The following RCAN3 variants were observed in gnomAD, a reference collection of about 807,000 sequenced individuals.
The protein encoded by RCAN3 is calcipressin-3.
RCAN3 carries 19 observed loss-of-function variants against 21.9 expected under a neutral mutation model. The ratio of observed to expected loss-of-function variants is 0.87; its 90% confidence interval spans 0.61 to 1.27. The LOEUF (loss-of-function observed/expected upper bound fraction) is 1.27. Ranked by LOEUF, RCAN3 falls within the 50% of genes most tolerant of loss-of-function variation. The pLI, the probability that RCAN3 is intolerant of heterozygous loss-of-function variation, is 0.00. For missense variants in RCAN3, 240 were observed against 300.1 expected (o/e 0.80, Z 1.48); for synonymous variants, 114 against 112.3 (o/e 1.01, Z -0.09).
intron 2 of RCAN3, among the ~76,000 whole-genome samples, chr1:24,516,159 A>T (rs1648301795): frequency 6.6e-6 from 1 of 151,894 alleles, no homozygotes; most frequent in Admixed American, 6.6e-5. Flanking sequence ...AAAAAAAGAA[A>T]GAAAGAAACA....
rs551167825 is a variant in RCAN3 at position 24,526,424 on chromosome 1, C to T, written c.196-4794C>T. 3.1e-4 allele frequency among the ~76,000 whole-genome samples: 47 copies of T among 151,424 alleles called. 1 individual carries two copies. In the South Asian group the frequency reaches 6.3e-3, roughly 20 times the overall value. On this transcript the variant is annotated intron_variant, in intron 2 of 4. Coordinates refer to ENST00000374395, the MANE Select transcript of RCAN3 (RefSeq NM_013441.4). The stretch of plus-strand genomic sequence containing the variant: ...GATTTTGGAAGAGAGAGAGAGAGAG[C>T]GCCGTATAACCCATTGCTGTCATCT...
chr1:24,510,395 G>T (rs188703476), intron 1 of RCAN3, among the ~76,000 whole-genome samples: 1 of 152,332 alleles, frequency 6.6e-6, no homozygotes, highest in East Asian at 1.9e-4. Context: ...AATGACCTTA[G>T]CTAGATCTTC....
intron 2 of RCAN3, among the ~76,000 whole-genome samples, chr1:24,516,462 A>G (rs1570457350): frequency 6.6e-6 from 1 of 152,208 alleles, no homozygotes; most frequent in East Asian, 1.9e-4. Flanking sequence ...AATTTTGGCC[A>G]CGGGGAACAG....
chr1:24,508,006 A>C (rs894844851), intron 1 of RCAN3, among the ~76,000 whole-genome samples: 2 of 152,202 alleles, frequency 1.3e-5, no homozygotes, highest in Non-Finnish European at 2.9e-5. Flanking sequence ...TGAACCCTGG[A>C]GGCAGAGGTT....
At chr1:24,517,554 A>T (rs900443406) in intron 2 of RCAN3, among the ~76,000 whole-genome samples, 2 of 152,236 alleles carry the variant, frequency 1.3e-5, no homozygotes, top group Non-Finnish European at 2.9e-5. Context: ...ACTGGAAATC[A>T]TCCCAGCAGA....
At chr1:24,533,843 A>T (rs1649996273) in intron 4 of RCAN3, among the ~76,000 whole-genome samples, 1 of 152,192 alleles carries the variant, frequency 6.6e-6, no homozygotes, top group South Asian at 2.1e-4. Flanking sequence ...TGATGTATAG[A>T]TAATACTCAG....
chr1:24,523,057 TG>T (rs1390546619), intron 2 of RCAN3, among the ~76,000 whole-genome samples: 1 of 151,836 alleles, frequency 6.6e-6, no homozygotes, highest in African/African-American at 2.4e-5. Flanking sequence ...TCTGTGTGTA[TG>T]TACACACACT....
At position 24,535,357 on chromosome 1, in the gene RCAN3, G is replaced by T. The variant is rs563084681; in HGVS notation, c.*80G>T. The stretch of plus-strand genomic sequence containing the variant: ...CTGTGCCTGCGGCCGATGCGTTGCT[G>T]CGAACAGCATAGGTGAGACTCTGCC... On this transcript the variant is annotated 3_prime_UTR_variant, in exon 5 of 5. Coordinates refer to ENST00000374395, the MANE Select transcript of RCAN3 (RefSeq NM_013441.4). 2 of 1,447,092 alleles carry T rather than the reference G, an allele frequency of 1.4e-6. No individual in the cohort carries two copies. The highest frequency in any genetic ancestry group is 5.4e-5 in the Admixed American group (2 of 37,320). The allele number at this position is 1,447,092 out of a possible 1,614,324, so 89.6% of individuals were successfully genotyped here. A position where few individuals can be genotyped will look rare whatever the true frequency, so the allele number is the denominator to read the frequency against.
intron 2 of RCAN3, among the ~76,000 whole-genome samples, chr1:24,522,166 T>C (rs1453611813): frequency 6.6e-6 from 1 of 152,236 alleles, no homozygotes; most frequent in African/African-American, 2.4e-5. Flanking sequence ...TTTTTAAATA[T>C]ACACATACAT....
intron 2 of RCAN3, among the ~76,000 whole-genome samples, chr1:24,526,818 C>G (rs1649311041): frequency 6.6e-6 from 1 of 151,962 alleles, no homozygotes; most frequent in Non-Finnish European, 1.5e-5. Context: ...TACCAAGAAC[C>G]AAATGGGATG....
chr1:24,505,849 T>C (rs552239870), intron 1 of RCAN3, among the ~76,000 whole-genome samples: 1 of 152,324 alleles, frequency 6.6e-6, no homozygotes, highest in South Asian at 2.1e-4. Context: ...AAAATTATTA[T>C]TATTTTAATC....
chr1:24,510,592 T>C (rs1647795525), intron 1 of RCAN3, among the ~76,000 whole-genome samples: 4 of 152,252 alleles, frequency 2.6e-5, no homozygotes, highest in Admixed American at 2.6e-4. Context: ...TGCTCTGGAT[T>C]AGACTTTGGT....
intron 1 of RCAN3, among the ~76,000 whole-genome samples, chr1:24,509,035 C>A (rs1647682055): frequency 6.6e-6 from 1 of 152,032 alleles, no homozygotes; most frequent in Non-Finnish European, 1.5e-5. Context: ...GTGGTGTGTG[C>A]TTGTAGTTCC....
At position 24,540,386 on chromosome 1, in the gene RCAN3, C is replaced by T. The variant is rs1210516902; in HGVS notation, c.*5109C>T. 1 of 152,250 alleles carries T rather than the reference C, an allele frequency of 6.6e-6. No individual in the cohort carries two copies. The highest frequency in any genetic ancestry group is 1.5e-5 in the Non-Finnish European group (1 of 68,046). 9.4% of individuals were successfully genotyped at this position (152,250 alleles called of 1,614,324 possible). On this transcript the variant is annotated 3_prime_UTR_variant, in exon 5 of 5. Coordinates refer to ENST00000374395, the MANE Select transcript of RCAN3 (RefSeq NM_013441.4). ...CCTTTTGAAACAGAATCATATCCTGCAGACTCTTGGCACTCCTGCATAGCT... is the reference window on the plus strand; with the variant it reads ...CCTTTTGAAACAGAATCATATCCTGTAGACTCTTGGCACTCCTGCATAGCT...
intron 2 of RCAN3, among the ~76,000 whole-genome samples, chr1:24,518,287 T>C (rs1467630253): frequency 6.6e-6 from 1 of 152,274 alleles, no homozygotes; most frequent in African/African-American, 2.4e-5. Context: ...CATGTAAATG[T>C]AATCTTTGCT....
chr1:24,502,741 C>A (rs921367105), upstream of RCAN3, among the ~76,000 whole-genome samples: 6 of 150,618 alleles, frequency 4.0e-5, no homozygotes, highest in Admixed American at 4.0e-4. Flanking sequence ...GAGACACCCC[C>A]ACCCCGGCCC....
Position 24,535,591 on chromosome 1 carries a change from C to T in RCAN3, c.*314C>T. 1 of 267,448 alleles carries T rather than the reference C, an allele frequency of 3.7e-6. No individual in the cohort carries two copies. The highest frequency in any genetic ancestry group is 2.2e-5 in the African/African-American group (1 of 45,638). The allele number at this position is 267,448 out of a possible 1,614,324, so 16.6% of individuals were successfully genotyped here. ...CCCCTCCCCTCCAGCCATGTAAGTC[C>T]TCCTGATTCTGTATCACATGAGACA... On this transcript the variant is annotated 3_prime_UTR_variant, in exon 5 of 5. Transcript: ENST00000374395.
chr1:24,502,678 C>G (rs1231800911), upstream of RCAN3, among the ~76,000 whole-genome samples: 1 of 151,544 alleles, frequency 6.6e-6, no homozygotes, highest in African/African-American at 2.4e-5. Context: ...GCCCAAGCCC[C>G]CCACAGGCTG....
chr1:24,513,002 C>T (rs1167092627), intron 1 of RCAN3, among the ~76,000 whole-genome samples: 1 of 152,118 alleles, frequency 6.6e-6, no homozygotes, highest in Non-Finnish European at 1.5e-5. Flanking sequence ...CTTTAGGAGG[C>T]CGAGTTGGGC....
Sources: gnomAD v4.1 joint callset for allele counts (sites outside exome capture counted in the v4.1 genomes callset) on GRCh38, gnomAD v4.1.1 for gene constraint, MANE v1.5 for transcripts, NCBI Gene and HGNC (gene_info 2026-07-23, HGNC 2026-07-21) for gene names.